Variants in CYTH3 observed in about 807,000 individuals in gnomAD.
CYTH3 encodes the protein cytohesin-3.
Under a neutral mutation model 55.1 loss-of-function variants are expected in CYTH3, and 23 were observed. The observed-to-expected ratio is 0.42, with a 90% CI of 0.30 to 0.59. The LOEUF is 0.59. Ranked by LOEUF, CYTH3 falls within the 20% of genes least tolerant of loss-of-function variation. The pLI is 0.20. For missense variants in CYTH3, 413 were observed against 524.8 expected (o/e 0.79, Z 2.08); for synonymous variants, 249 against 194.9 (o/e 1.28, Z -2.31).
At chr7:6,203,103 T>C (rs765898155) in intron 1 of CYTH3, among the ~76,000 whole-genome samples, 8 of 151,764 alleles carry the variant, frequency 5.3e-5, no homozygotes, top group Non-Finnish European at 1.2e-4. Context: ...ATTCACAAAG[T>C]CAGAATTTAT....
At chr7:6,248,633 G>A (rs900082061) in intron 1 of CYTH3, among the ~76,000 whole-genome samples, 1 of 152,184 alleles carries the variant, frequency 6.6e-6, no homozygotes, top group South Asian at 2.1e-4. Context: ...CATCAATATC[G>A]CTGCTGCACA....
At chr7:6,184,552 C>T (rs911075048) in intron 4 of CYTH3, among the ~76,000 whole-genome samples, 1 of 152,134 alleles carries the variant, frequency 6.6e-6, no homozygotes, top group Non-Finnish European at 1.5e-5. Flanking sequence ...GAAGCTGAAA[C>T]CTGATGCACA....
intron 1 of CYTH3, among the ~76,000 whole-genome samples, chr7:6,199,610 G>A (rs1009545488): frequency 6.6e-6 from 1 of 152,188 alleles, no homozygotes; most frequent in Non-Finnish European, 1.5e-5. Flanking sequence ...TTTGCCACTA[G>A]CACATCTGCA....
intron 1 of CYTH3, among the ~76,000 whole-genome samples, chr7:6,272,181 A>T (rs972172261): frequency 1.3e-5 from 2 of 151,930 alleles, no homozygotes; most frequent in Non-Finnish European, 2.9e-5. Context: ...GAGGAGCGAC[A>T]CCCAAACCCC....
Position 6,163,595 on chromosome 7 carries a change from C to T in CYTH3, c.*1349G>A, listed in dbSNP as rs1782903260. On this transcript the variant is annotated 3_prime_UTR_variant, in exon 13 of 13. Transcript: ENST00000350796. ...CTTCCTTGAGCGGAGCACTGGGCAC[C>T]TCCTATCCTTACATCCACAGCAACC... The T allele has an allele frequency of 6.6e-6, 1 of 152,316 alleles. No individual in the cohort carries two copies. The highest frequency in any genetic ancestry group is 2.4e-5 in the African/African-American group (1 of 41,430). 9.4% of individuals were successfully genotyped at this position (152,316 alleles called of 1,614,324 possible).
In CYTH3 at chr7:6,191,742, T is replaced by G. The variant is rs1344868126; in HGVS notation, c.35-1211A>C. Among the ~76,000 whole-genome samples, 3 of 152,014 alleles carry G rather than the reference T, an allele frequency of 2.0e-5. No homozygotes were observed. The East Asian group carries it at 5.8e-4, about 29-fold the overall frequency. ...CTTCTTAAACAAGATAGACAAAATA[T>G]AAATCACAAAGGAAAATATTAATAC... On this transcript the variant is annotated intron_variant, in intron 1 of 12. Coordinates refer to ENST00000350796, the MANE Select transcript of CYTH3 (RefSeq NM_004227.4).
At chr7:6,247,352 G>A (rs762058198) in intron 1 of CYTH3, among the ~76,000 whole-genome samples, 3 of 152,114 alleles carry the variant, frequency 2.0e-5, no homozygotes, top group Non-Finnish European at 4.4e-5. Context: ...GTACTCTCTT[G>A]CTCTTTCTTG....
chr7:6,207,263 T>A (rs1784214289), intron 1 of CYTH3, among the ~76,000 whole-genome samples: 1 of 151,388 alleles, frequency 6.6e-6, no homozygotes, highest in Non-Finnish European at 1.5e-5. Context: ...CCCAGCTAAT[T>A]TTCTGTATTT....
chr7:6,217,424 G>T (rs1784452768), intron 1 of CYTH3, among the ~76,000 whole-genome samples: 1 of 152,064 alleles, frequency 6.6e-6, no homozygotes, highest in Non-Finnish European at 1.5e-5. Context: ...AGCAGGTGTG[G>T]CTATATTAAT....
intron 1 of CYTH3, among the ~76,000 whole-genome samples, chr7:6,221,724 C>T (rs1784558331): frequency 6.6e-6 from 1 of 152,018 alleles, no homozygotes; most frequent in South Asian, 2.1e-4. Context: ...TTAGGCCAGG[C>T]ATGGTGGCTC....
chr7:6,244,885 T>G (rs935068078), intron 1 of CYTH3, among the ~76,000 whole-genome samples: 2 of 145,522 alleles, frequency 1.4e-5, no homozygotes, highest in African/African-American at 2.5e-5. Flanking sequence ...GCCTCCCGGG[T>G]TCACGCCATT....
chr7:6,235,645 G>C (rs947046022), intron 1 of CYTH3, among the ~76,000 whole-genome samples: 1 of 152,026 alleles, frequency 6.6e-6, no homozygotes, highest in African/African-American at 2.4e-5. Flanking sequence ...GGAGTCGTTA[G>C]ATACTACACT....
intron 1 of CYTH3, among the ~76,000 whole-genome samples, chr7:6,224,705 A>G (rs1203840456): frequency 3.3e-5 from 5 of 152,228 alleles, no homozygotes; most frequent in Non-Finnish European, 4.4e-5. Context: ...TTCTACTTCT[A>G]CGTATATACC....
At chr7:6,212,271 G>A (rs1013456100) in intron 1 of CYTH3, among the ~76,000 whole-genome samples, 1 of 152,130 alleles carries the variant, frequency 6.6e-6, no homozygotes, top group South Asian at 2.1e-4. Context: ...ATGGCTACAC[G>A]CATGTGCCAC....
At chr7:6,229,126 T>C (rs1050782854) in intron 1 of CYTH3, among the ~76,000 whole-genome samples, 1 of 152,204 alleles carries the variant, frequency 6.6e-6, no homozygotes, top group African/African-American at 2.4e-5. Flanking sequence ...ATTAGCCAAA[T>C]AAAGTGTAGA....
At chr7:6,247,071 A>T in intron 1 of CYTH3, among the ~76,000 whole-genome samples, 2 of 152,372 alleles carry the variant, frequency 1.3e-5, no homozygotes, top group South Asian at 4.1e-4. Flanking sequence ...ACTGGCTCAC[A>T]TAACTCCTAA....
chr7:6,217,653 G>C (rs2128550692), intron 1 of CYTH3, among the ~76,000 whole-genome samples: 1 of 152,236 alleles, frequency 6.6e-6, no homozygotes, highest in South Asian at 2.1e-4. Context: ...CAAAGAATCA[G>C]CAAGTATAGA....
Position 6,213,300 on chromosome 7 carries a change from G to A in CYTH3, c.35-22769C>T, listed in dbSNP as rs78827188. On this transcript the variant is annotated intron_variant, in intron 1 of 12. Coordinates refer to ENST00000350796, the MANE Select transcript of CYTH3 (RefSeq NM_004227.4). ...AAAGAGCTATTTCATTCATTTTCAC[G>A]GTCTTCGTGAATTCCTGAAAATATA... Among the ~76,000 whole-genome samples, 22 of 152,206 alleles carry A rather than the reference G, an allele frequency of 1.4e-4. No homozygotes were observed. The East Asian group carries it at 2.7e-3, about 19-fold the overall frequency.
At chr7:6,232,086 T>C (rs1269695570) in intron 1 of CYTH3, among the ~76,000 whole-genome samples, 1 of 152,184 alleles carries the variant, frequency 6.6e-6, no homozygotes, top group Non-Finnish European at 1.5e-5. Context: ...AAGATGCACC[T>C]TTTTTTGAAT....
Sources: allele counts gnomAD v4.1 joint callset (sites outside exome capture counted in the v4.1 genomes callset), GRCh38; gene constraint gnomAD v4.1.1; transcripts MANE v1.5; gene names NCBI Gene and HGNC (gene_info 2026-07-23, HGNC 2026-07-21).